SLC35F4: variants seen among roughly 807,000 people sequenced by gnomAD.
SLC35F4 encodes solute carrier family 35 member F4.
SLC35F4 carries 24 observed loss-of-function variants against 44.2 expected under a neutral mutation model. That is an observed-to-expected ratio of 0.54 (90% CI 0.39 to 0.76). The LOEUF (loss-of-function observed/expected upper bound fraction) is 0.76. SLC35F4 is among the 30% of genes least tolerant of loss of function. The pLI is 0.00. For synonymous variants in SLC35F4, 238 were observed against 223.6 expected (o/e 1.06, Z -0.57); for missense variants, 562 against 586.1 (o/e 0.96, Z 0.42).
chr14:57,858,121 G>A (rs1887302773), intron 1 of SLC35F4, among the ~76,000 whole-genome samples: 1 of 152,038 alleles, frequency 6.6e-6, no homozygotes, highest in Non-Finnish European at 1.5e-5. Context: ...AGACAGTGTG[G>A]TGATTCCTCA....
intron 1 of SLC35F4, among the ~76,000 whole-genome samples, chr14:57,666,924 A>G (rs1015749837): frequency 2.0e-5 from 3 of 152,144 alleles, no homozygotes; most frequent in African/African-American, 7.2e-5. Flanking sequence ...TACAAACAAG[A>G]AACTACAAAG....
At chr14:57,833,222 T>C (rs1227342864) in intron 1 of SLC35F4, among the ~76,000 whole-genome samples, 4 of 152,226 alleles carry the variant, frequency 2.6e-5, no homozygotes, top group Admixed American at 2.6e-4. Context: ...AGAATTCTCA[T>C]ATTCTTTCAC....
intron 1 of SLC35F4, among the ~76,000 whole-genome samples, chr14:57,779,863 G>C (rs1307011238): frequency 1.3e-5 from 2 of 152,080 alleles, no homozygotes; most frequent in African/African-American, 2.4e-5. Flanking sequence ...TGCAGAAAAA[G>C]CTTTCAATAA....
intron 1 of SLC35F4, among the ~76,000 whole-genome samples, chr14:57,600,474 C>A (rs1056727409): frequency 6.6e-6 from 1 of 150,670 alleles, no homozygotes; most frequent in Admixed American, 6.6e-5. Flanking sequence ...GGGCGGATCA[C>A]GAGGTCAGGA....
At chr14:57,652,170 A>G (rs1404558847) in intron 1 of SLC35F4, among the ~76,000 whole-genome samples, 2 of 152,220 alleles carry the variant, frequency 1.3e-5, no homozygotes, top group African/African-American at 4.8e-5. Context: ...CTTCATACAT[A>G]AGTATGGAAA....
Position 57,726,375 on chromosome 14 carries a change from G to A in SLC35F4, c.104-132251C>T, listed in dbSNP as rs145654391. Among the ~76,000 whole-genome samples, 1,374 of 152,296 alleles carry A rather than the reference G, an allele frequency of 9.0e-3. 22 individuals carry two copies. The highest frequency in any genetic ancestry group is 0.03 in the African/African-American group (1,266 of 41,556). ...ACAGAATGGGTAGTAGAAGAAGGTA[G>A]TCATCAATACCAGCTATGACCACAT... On this transcript the variant is annotated intron_variant, in intron 1 of 7. Transcript: ENST00000556826.
chr14:57,572,528 C>T (rs578064988), intron 4 of SLC35F4, among the ~76,000 whole-genome samples: 2 of 146,078 alleles, frequency 1.4e-5, no homozygotes, highest in African/African-American at 2.5e-5. Context: ...AACTTCAGGC[C>T]AATGGGAAAA....
chr14:57,779,514 G>A (rs1471544812), intron 1 of SLC35F4, among the ~76,000 whole-genome samples: 1 of 151,834 alleles, frequency 6.6e-6, no homozygotes, highest in African/African-American at 2.4e-5. Context: ...ACAAAGAAGA[G>A]CTGATACCAT....
At chr14:57,581,092 G>T in intron 4 of SLC35F4, 122 bp downstream of exon 4, 1 of 1,015,220 alleles carries the variant, frequency 9.9e-7, no homozygotes, top group South Asian at 2.7e-5. Flanking sequence ...ATTTCGGTTT[G>T]TACTCAGAAC....
At chr14:57,699,353 GC>G (rs1262845798) in intron 1 of SLC35F4, among the ~76,000 whole-genome samples, 2 of 152,098 alleles carry the variant, frequency 1.3e-5, no homozygotes, top group Admixed American at 6.6e-5. Flanking sequence ...AGGCCCCCAA[GC>G]TTTTATTTTA....
intron 1 of SLC35F4, among the ~76,000 whole-genome samples, chr14:57,677,929 A>G (rs2074755421): frequency 6.6e-6 from 1 of 152,138 alleles, no homozygotes; most frequent in Admixed American, 6.5e-5. Flanking sequence ...GTAATCAAAC[A>G]GATGCAAACT....
At chr14:57,765,862 A>G (rs2077222681) in intron 1 of SLC35F4, among the ~76,000 whole-genome samples, 1 of 152,216 alleles carries the variant, frequency 6.6e-6, no homozygotes, top group South Asian at 2.1e-4. Flanking sequence ...ACAGGCAACA[A>G]AGATCTTAAA....
chr14:57,956,973 A>C (rs768123142), intron 1 of SLC35F4, among the ~76,000 whole-genome samples: 4 of 152,194 alleles, frequency 2.6e-5, no homozygotes, highest in African/African-American at 9.7e-5. Flanking sequence ...TCATTCTACT[A>C]TAAAGACACA....
intron 1 of SLC35F4, among the ~76,000 whole-genome samples, chr14:57,657,309 C>A (rs1195981491): frequency 6.6e-6 from 1 of 152,174 alleles, no homozygotes; most frequent in Non-Finnish European, 1.5e-5. Context: ...GCTGTCTGTG[C>A]TAGAATGTGT....
At chr14:57,710,781 C>G (rs1168755064) in intron 1 of SLC35F4, among the ~76,000 whole-genome samples, 1 of 152,006 alleles carries the variant, frequency 6.6e-6, no homozygotes, top group African/African-American at 2.4e-5. Context: ...TTTTGGCCAA[C>G]TTCTCCTGCT....
chr14:57,859,154 A>G (rs8014822), intron 1 of SLC35F4, among the ~76,000 whole-genome samples: 69,975 of 151,758 alleles, frequency 0.46, 19,128 homozygotes, highest in African/African-American at 0.76. Flanking sequence ...GAGGGAGGAA[A>G]ACAGAGCAAG....
At chr14:57,934,116 C>G (rs1173406338) in intron 1 of SLC35F4, among the ~76,000 whole-genome samples, 1 of 151,800 alleles carries the variant, frequency 6.6e-6, no homozygotes, top group East Asian at 1.9e-4. Flanking sequence ...AGGAGAGAAG[C>G]AGTTATTTTT....
chr14:57,744,257 A>G lies in SLC35F4; in HGVS notation c.103+121466T>C, dbSNP rs188342711. Among the ~76,000 whole-genome samples the G allele has an allele frequency of 3.4e-3, 512 of 152,322 alleles. 3 individuals carry two copies. Among genetic ancestry groups the G allele is most frequent in the African/African-American group, 0.012 (491 of 41,570 alleles). ...CAGGCAGGAGAAAGAAATAAAGGGT[A>G]TTCAATTAGGAAAAGAGGAAGTCAA... is the stretch of plus-strand genomic sequence containing the variant. On this transcript the variant is annotated intron_variant, in intron 1 of 7. Transcript: ENST00000556826.
At chr14:57,657,780 G>T (rs1361608674) in intron 1 of SLC35F4, among the ~76,000 whole-genome samples, 2 of 152,088 alleles carry the variant, frequency 1.3e-5, no homozygotes. Context: ...AACATTTGAG[G>T]TTCCTAAGCA....
Sources: allele counts gnomAD v4.1 joint callset (sites outside exome capture counted in the v4.1 genomes callset), GRCh38; gene constraint gnomAD v4.1.1; transcripts MANE v1.5; gene names NCBI Gene and HGNC (gene_info 2026-07-23, HGNC 2026-07-21).